ALKBH5: variants seen among roughly 807,000 people sequenced by gnomAD.
ALKBH5 encodes RNA demethylase ALKBH5.
ALKBH5 carries 2 observed loss-of-function variants against 32.1 expected under a neutral mutation model. The ratio of observed to expected loss-of-function variants is 0.06; its 90% CI spans 0.03 to 0.20. The LOEUF is 0.20. ALKBH5 is among the 10% of genes least tolerant of loss of function. ALKBH5 has a pLI of 1.00. For synonymous variants in ALKBH5, 300 were observed against 231.7 expected, an observed-to-expected ratio of 1.29 and a Z score of -2.68; for missense variants, 352 against 559.5, an observed-to-expected ratio of 0.63 and a Z score of 3.74.
rs2047116189 is a variant in ALKBH5, at chr17:18,183,911, G to T, written c.-333G>T. 1.9e-6 allele frequency: 1 copy of T among 517,336 alleles called. No homozygotes were observed. The highest frequency in any genetic ancestry group is 3.6e-6 in the Non-Finnish European group (1 of 275,292). The allele number at this position is 517,336 out of a possible 1,614,324, so 32.0% of individuals were successfully genotyped here. A position where few individuals can be genotyped will look rare whatever the true frequency, so the allele number is the denominator to read the frequency against. On this transcript the variant is annotated 5_prime_UTR_variant, in exon 1 of 4. Transcript: ENST00000399138. The stretch of plus-strand genomic sequence containing the variant: ...GCGGAGAGCTTTAAAGTGCGGGCCG[G>T]GCCGGGCGTCCGAGGGTCTGGTCGG...
At chr17:18,187,743 C>T (rs1043539711) in intron 1 of ALKBH5, among the ~76,000 whole-genome samples, 22 of 152,248 alleles carry the variant, frequency 1.4e-4, no homozygotes, top group Admixed American at 1.1e-3. Flanking sequence ...AGAAGTGGTG[C>T]TTTCTCTTTT....
At chr17:18,194,849 G>C (rs1318539418) in intron 1 of ALKBH5, 106 bp from the exon 2 acceptor site, 9 of 825,542 alleles carry the variant, frequency 1.1e-5, no homozygotes, top group Admixed American at 2.3e-5. Context: ...GTAATGGGTA[G>C]AGAGCAGCCG....
chr17:18,192,066 G>C (rs2047178864), intron 1 of ALKBH5, among the ~76,000 whole-genome samples: 1 of 152,130 alleles, frequency 6.6e-6, no homozygotes, highest in African/African-American at 2.4e-5. Flanking sequence ...AATGATAAAA[G>C]CATGGGATGA....
At chr17:18,191,489 G>A (rs1428183388) in intron 1 of ALKBH5, among the ~76,000 whole-genome samples, 1 of 152,222 alleles carries the variant, frequency 6.6e-6, no homozygotes, top group Non-Finnish European at 1.5e-5. Context: ...CAGGGAGCAT[G>A]CGGGCAGTCA....
At chr17:18,207,401 G>A (rs1322886924) in intron 3 of ALKBH5, among the ~76,000 whole-genome samples, 1 of 152,168 alleles carries the variant, frequency 6.6e-6, no homozygotes, top group Admixed American at 6.5e-5. Context: ...AGTGGCTCAC[G>A]CCTGTAATCC....
chr17:18,190,845 G>A (rs2047170108), intron 1 of ALKBH5, among the ~76,000 whole-genome samples: 1 of 152,164 alleles, frequency 6.6e-6, no homozygotes, highest in African/African-American at 2.4e-5. Context: ...GGCAGTCAGG[G>A]AAAGGCCCCC....
At chr17:18,196,646 C>T (rs75550169) in intron 2 of ALKBH5, among the ~76,000 whole-genome samples, 1 of 152,206 alleles carries the variant, frequency 6.6e-6, no homozygotes, top group Non-Finnish European at 1.5e-5. Context: ...TATATACTAT[C>T]AATGTAACTT....
At chr17:18,199,951 G>A (rs1297692994) in intron 2 of ALKBH5, among the ~76,000 whole-genome samples, 1 of 151,988 alleles carries the variant, frequency 6.6e-6, no homozygotes, top group Non-Finnish European at 1.5e-5. Context: ...ACAAGAATTA[G>A]CTGGGCATAG....
intron 1 of ALKBH5, among the ~76,000 whole-genome samples, chr17:18,187,321 G>T (rs575305219): frequency 2.0e-5 from 3 of 152,078 alleles, no homozygotes; most frequent in African/African-American, 4.8e-5. Context: ...TAGGTAAGAG[G>T]GGGTGGATGT....
In ALKBH5 at chr17:18,201,574, A is replaced by G. The variant is rs144746063; in HGVS notation, c.852-5241A>G. 7.5e-3 allele frequency among the ~76,000 whole-genome samples: 1,136 copies of G among 152,254 alleles called. 6 individuals are homozygous for G. Among genetic ancestry groups the G allele is most frequent in the African/African-American group, 9.5e-3 (395 of 41,542 alleles). On this transcript the variant is annotated intron_variant, in intron 2 of 3. Transcript: ENST00000399138. Reference sequence around the variant, plus strand: ...GGAGTTTGAGACCACCCTGGGCAACATGGTGAAACCCCATCTCTACTAAAA... The same window carrying G: ...GGAGTTTGAGACCACCCTGGGCAACGTGGTGAAACCCCATCTCTACTAAAA...
chr17:18,186,294 G>T (rs765787819), intron 1 of ALKBH5, among the ~76,000 whole-genome samples: 1 of 152,196 alleles, frequency 6.6e-6, no homozygotes, highest in Non-Finnish European at 1.5e-5. Context: ...GAGCTTCTCA[G>T]ATCTTCATGG....
chr17:18,201,335 A>G (rs748804510), intron 2 of ALKBH5, among the ~76,000 whole-genome samples: 5 of 152,212 alleles, frequency 3.3e-5, no homozygotes, highest in South Asian at 4.1e-4. Flanking sequence ...TATGGGTACA[A>G]TGGGATCACC....
Position 18,184,397 on chromosome 17 carries a change from C to T in ALKBH5, c.154C>T (p.Pro52Ser), listed in dbSNP as rs1342171854. 27 of 1,562,176 alleles carry T rather than the reference C, an allele frequency of 1.7e-5. No homozygotes were observed. The highest frequency in any genetic ancestry group is 8.1e-5 in the South Asian group (7 of 86,404). The change falls in exon 1 of 4, where the codon CCT becomes TCT. Residue 52 changes from proline (P) to serine (S), a missense_variant. Pro to Ser is a moderately conservative substitution (Grantham distance 74). Coordinates refer to ENST00000399138, the MANE Select transcript of ALKBH5 (RefSeq NM_017758.4). ...AAAAAAAEPY[P>S]VSGAKRKYQE... is the part of the protein sequence containing the mutation. ...AGCCGCCGCTGCCGCCGAACCTTAC[C>T]CTGTGTCCGGGGCCAAGCGCAAGTA...
At chr17:18,188,055 TC>T (rs1490385997) in intron 1 of ALKBH5, among the ~76,000 whole-genome samples, 3 of 152,222 alleles carry the variant, frequency 2.0e-5, no homozygotes, top group Non-Finnish European at 2.9e-5. Flanking sequence ...TGCTTCAAAC[TC>T]CTTTCCAAAC....
At chr17:18,193,332 G>A (rs1459788952) in intron 1 of ALKBH5, among the ~76,000 whole-genome samples, 1 of 151,986 alleles carries the variant, frequency 6.6e-6, no homozygotes, top group African/African-American at 2.4e-5. Context: ...CGGATCACGA[G>A]GTCAGGAGTT....
At chr17:18,203,407 T>C (rs1426548754) in intron 2 of ALKBH5, among the ~76,000 whole-genome samples, 13 of 152,250 alleles carry the variant, frequency 8.5e-5, no homozygotes, top group Non-Finnish European at 2.9e-5. Flanking sequence ...ACTTTAGTGC[T>C]ACAGCCATCC....
chr17:18,186,024 TGA>T (rs2047137102), intron 1 of ALKBH5, among the ~76,000 whole-genome samples: 2 of 152,154 alleles, frequency 1.3e-5, no homozygotes. Flanking sequence ...GGTTCTGAAG[TGA>T]GTCAGTAGGG....
chr17:18,205,917 A>G (rs951480260), intron 2 of ALKBH5, among the ~76,000 whole-genome samples: 1 of 152,070 alleles, frequency 6.6e-6, no homozygotes, highest in African/African-American at 2.4e-5. Context: ...TCTGCTAGCT[A>G]TGTCCTATCG....
chr17:18,188,297 G>A (rs1054553830), intron 1 of ALKBH5, among the ~76,000 whole-genome samples: 5 of 152,220 alleles, frequency 3.3e-5, no homozygotes, highest in African/African-American at 9.6e-5. Context: ...TCACTGCTAC[G>A]TGGTCTGTGG....
Sources: allele counts gnomAD v4.1 joint callset (sites outside exome capture counted in the v4.1 genomes callset), GRCh38; gene constraint gnomAD v4.1.1; transcripts MANE v1.5; gene names NCBI Gene and HGNC (gene_info 2026-07-23, HGNC 2026-07-21).